Variants in COBL observed in about 807,000 individuals in gnomAD.
The protein encoded by COBL is protein cordon-bleu.
COBL carries 51 observed loss-of-function variants against 98.8 expected under a neutral mutation model. That is an observed-to-expected ratio of 0.52 (90% CI 0.41 to 0.65). The LOEUF (loss-of-function observed/expected upper bound fraction) is 0.65. Among genes scored for constraint, COBL ranks in the 30% least tolerant of loss-of-function variants. COBL has a pLI of 0.00. For missense variants in COBL, 1,617 were observed against 1,617.5 expected (o/e 1.00, Z 0.01); for synonymous variants, 634 against 651.7 (o/e 0.97, Z 0.41).
At chr7:51,218,576 C>T (rs1326806959) in intron 2 of COBL, among the ~76,000 whole-genome samples, 2 of 152,202 alleles carry the variant, frequency 1.3e-5, no homozygotes, top group Admixed American at 6.5e-5. Flanking sequence ...TGGGTTCAAG[C>T]AATTATCCTG....
At chr7:51,240,277 G>A (rs1795664951) in intron 1 of COBL, among the ~76,000 whole-genome samples, 1 of 152,118 alleles carries the variant, frequency 6.6e-6, no homozygotes, top group Admixed American at 6.5e-5. Context: ...AATAATTTAA[G>A]GAAACACTGT....
intron 5 of COBL, among the ~76,000 whole-genome samples, chr7:51,138,932 G>A (rs1583925679): frequency 6.6e-6 from 1 of 152,266 alleles, no homozygotes; most frequent in African/African-American, 2.4e-5. Flanking sequence ...CCACAACTAT[G>A]CCTGCCTGAC....
At chr7:51,248,497 C>T (rs1796456621) in intron 1 of COBL, among the ~76,000 whole-genome samples, 1 of 152,176 alleles carries the variant, frequency 6.6e-6, no homozygotes, top group Non-Finnish European at 1.5e-5. Context: ...TTCAACCTCA[C>T]ATTCAGTTGG....
intron 7 of COBL, chr7:51,065,564 A>G (rs1791837447): frequency 3.3e-6 from 2 of 606,586 alleles, no homozygotes; most frequent in Non-Finnish European, 5.9e-6. Context: ...GGGCAAAATC[A>G]GCACAGCTTG....
intron 8 of COBL, chr7:51,033,560 C>T (rs116022531): frequency 6.6e-6 from 1 of 152,192 alleles, no homozygotes; most frequent in Non-Finnish European, 1.5e-5. Context: ...TAGCAAATAC[C>T]TTTGGACAAG....
In COBL at chr7:51,290,116, C is replaced by T. The variant is rs376375196; in HGVS notation, c.41+26477G>A. ...AGTAACCTTAGGGTGGTCATATTTG[C>T]AACCTGAATGAAAGGTGGTGACTGC... On this transcript the variant is annotated intron_variant, in intron 1 of 12. Transcript: ENST00000265136. Among the ~76,000 whole-genome samples the T allele has an allele frequency of 2.6e-5, 4 of 152,294 alleles. No homozygotes were observed. The East Asian group carries it at 5.8e-4, about 22-fold the overall frequency.
At chr7:51,311,090 T>C (rs1180027253) in intron 1 of COBL, among the ~76,000 whole-genome samples, 1 of 152,196 alleles carries the variant, frequency 6.6e-6, no homozygotes, top group Non-Finnish European at 1.5e-5. Context: ...ACAAAAGTAT[T>C]TGTGGTCTGG....
chr7:51,285,220 C>T (rs1800236736), intron 1 of COBL, among the ~76,000 whole-genome samples: 1 of 152,120 alleles, frequency 6.6e-6, no homozygotes, highest in African/African-American at 2.4e-5. Flanking sequence ...GCTGGGATTA[C>T]AGGCATAAGC....
chr7:51,050,747 T>C (rs1022515897), intron 7 of COBL, among the ~76,000 whole-genome samples: 1 of 152,246 alleles, frequency 6.6e-6, no homozygotes, highest in African/African-American at 2.4e-5. Context: ...TTTCAGCTCC[T>C]GGCCCCAACC....
intron 6 of COBL, among the ~76,000 whole-genome samples, chr7:51,112,024 T>C (rs1407021191): frequency 6.6e-6 from 1 of 152,224 alleles, no homozygotes; most frequent in Non-Finnish European, 1.5e-5. Flanking sequence ...TTCACTTGCA[T>C]GGCACGGGGA....
rs577019382 is a variant in COBL at position 51,119,877 on chromosome 7, T to C, written c.957+16281A>G. ...GGATATTATTTGACTTCTAAGGAAA[T>C]AGAACTCAGAAAAGTTGATTGGCAA... is the stretch of plus-strand genomic sequence containing the variant. On this transcript the variant is annotated intron_variant, in intron 6 of 12. Coordinates refer to ENST00000265136, the MANE Select transcript of COBL (RefSeq NM_015198.5). Among the ~76,000 whole-genome samples, 17 of 152,292 alleles carry C rather than the reference T, an allele frequency of 1.1e-4. No homozygotes were observed. In the East Asian group the frequency reaches 2.3e-3, roughly 21 times the overall value.
rs142094832 is a variant in COBL at position 51,307,031 on chromosome 7, A to G, written c.41+9562T>C. Among the ~76,000 whole-genome samples, 903 of 152,340 alleles carry G rather than the reference A, an allele frequency of 5.9e-3. 3 individuals carry two copies. The highest frequency in any genetic ancestry group is 0.021 in the African/African-American group (869 of 41,574). On this transcript the variant is annotated intron_variant, in intron 1 of 12. Transcript: ENST00000265136. ...CACTGACGAGAGACGTCAGAGTCACATGGCAATCTCACCTACAAAACCAAG... is the reference window on the plus strand; with the variant it reads ...CACTGACGAGAGACGTCAGAGTCACGTGGCAATCTCACCTACAAAACCAAG...
At chr7:51,073,933 C>A (rs1019333274) in intron 7 of COBL, among the ~76,000 whole-genome samples, 19 of 152,148 alleles carry the variant, frequency 1.2e-4, no homozygotes, top group African/African-American at 4.6e-4. Context: ...CTCCAAGTAC[C>A]TGTGGAGCAA....
chr7:51,097,567 A>G (rs1423731644), intron 6 of COBL, among the ~76,000 whole-genome samples: 3 of 152,210 alleles, frequency 2.0e-5, no homozygotes, highest in Admixed American at 1.3e-4. Flanking sequence ...TTTGACAAAA[A>G]TGCTGTTAGA....
chr7:51,138,113 G>A (rs1055326962), intron 5 of COBL, among the ~76,000 whole-genome samples: 7 of 152,292 alleles, frequency 4.6e-5, no homozygotes, highest in African/African-American at 1.7e-4. Flanking sequence ...CTTCCCTGCA[G>A]ACACTGAATA....
intron 6 of COBL, 40 bp downstream of exon 6, chr7:51,136,118 G>C: frequency 6.3e-7 from 1 of 1,582,366 alleles, no homozygotes; most frequent in Non-Finnish European, 8.6e-7. Context: ...CTGTGTCACT[G>C]AAAAGATGCT....
intron 8 of COBL, chr7:51,032,848 T>C (rs1788289692): frequency 6.6e-6 from 1 of 152,006 alleles, no homozygotes; most frequent in South Asian, 2.1e-4. Context: ...CAGAGAAAAA[T>C]GGAAATTGCC....
At chr7:51,161,792 G>A (rs1375872342) in intron 5 of COBL, among the ~76,000 whole-genome samples, 8 of 152,142 alleles carry the variant, frequency 5.3e-5, no homozygotes, top group Non-Finnish European at 1.5e-5. Flanking sequence ...CCAAGAAGCA[G>A]GGCCCATAAA....
rs1271857124 is a variant in COBL, at chr7:51,016,670, A to G, written c.*881T>C. 3.0e-6 allele frequency: 1 copy of G among 332,384 alleles called. No homozygotes were observed. The highest frequency in any genetic ancestry group is 4.5e-5 in the East Asian group (1 of 22,224). 20.6% of individuals were successfully genotyped at this position (332,384 alleles called of 1,614,324 possible). A position where few individuals can be genotyped will look rare whatever the true frequency, so the allele number is the denominator to read the frequency against. On this transcript the variant is annotated 3_prime_UTR_variant, in exon 13 of 13. Transcript: ENST00000265136. Reference sequence around the variant, plus strand: ...CTGAACTCTTGACAGGTGGGCATCCAACATCCCTGCTCCTTGACCCTCTGC... The same window carrying G: ...CTGAACTCTTGACAGGTGGGCATCCGACATCCCTGCTCCTTGACCCTCTGC...
Sources: allele counts gnomAD v4.1 joint callset (sites outside exome capture counted in the v4.1 genomes callset), GRCh38; gene constraint gnomAD v4.1.1; transcripts MANE v1.5; gene names NCBI Gene and HGNC (gene_info 2026-07-23, HGNC 2026-07-21).